ARHGAP15: variants seen among roughly 807,000 people sequenced by gnomAD.
The protein encoded by ARHGAP15 is rho GTPase-activating protein 15.
Under a neutral mutation model 63.7 loss-of-function variants are expected in ARHGAP15, and 51 were observed. The observed-to-expected ratio is 0.80, with a 90% CI of 0.64 to 1.01. ARHGAP15 has a LOEUF of 1.01. Among genes scored for constraint, ARHGAP15 ranks in the 50% least tolerant of loss-of-function variants. ARHGAP15 has a pLI of 0.00. For missense variants in ARHGAP15, 560 were observed against 564.6 expected (o/e 0.99, Z 0.08); for synonymous variants, 191 against 193.8 (o/e 0.99, Z 0.12).
chr2:143,456,313 CAT>C (rs1690652157), intron 8 of ARHGAP15, among the ~76,000 whole-genome samples: 1 of 151,900 alleles, frequency 6.6e-6, no homozygotes, highest in Non-Finnish European at 1.5e-5. Flanking sequence ...AAATGGTAAA[CAT>C]ATAAATGACA....
chr2:143,464,519 A>T (rs1373362817), intron 8 of ARHGAP15, among the ~76,000 whole-genome samples: 1 of 152,212 alleles, frequency 6.6e-6, no homozygotes, highest in Admixed American at 6.5e-5. Flanking sequence ...TCCTCTGTAT[A>T]TTCATGTAAA....
intron 9 of ARHGAP15, among the ~76,000 whole-genome samples, chr2:143,515,239 AG>A (rs1693762392): frequency 7.2e-6 from 1 of 139,710 alleles, no homozygotes; most frequent in Admixed American, 8.0e-5. Context: ...AACCTTCTCA[AG>A]TAGAGTATGA....
intron 2 of ARHGAP15, among the ~76,000 whole-genome samples, chr2:143,174,040 C>T (rs558875365): frequency 5.3e-4 from 80 of 152,186 alleles, no homozygotes; most frequent in African/African-American, 1.9e-3. Flanking sequence ...GTACTGGTGC[C>T]CACTTTGAGT....
chr2:143,308,616 A>G (rs1683290861), intron 6 of ARHGAP15, among the ~76,000 whole-genome samples: 1 of 152,094 alleles, frequency 6.6e-6, no homozygotes, highest in Admixed American at 6.6e-5. Context: ...AAGCAAGAAT[A>G]TGATAGAACA....
intron 4 of ARHGAP15, among the ~76,000 whole-genome samples, chr2:143,221,807 G>A (rs1368831052): frequency 1.3e-5 from 2 of 152,068 alleles, no homozygotes; most frequent in African/African-American, 4.8e-5. Context: ...TGAAAATATG[G>A]CCAGAAGATG....
At position 143,130,294 on chromosome 2, in the gene ARHGAP15, T is replaced by C. The variant is rs148077874; in HGVS notation, c.-15+828T>C. ...TTTTCTTTTATATTGACTTCTTGCTTTTACAGAATGTCTTTGTGTGCTGTA... is the reference window on the plus strand; with the variant it reads ...TTTTCTTTTATATTGACTTCTTGCTCTTACAGAATGTCTTTGTGTGCTGTA... On this transcript the variant is annotated intron_variant, in intron 1 of 13. Transcript: ENST00000295095. 3.9e-3 allele frequency among the ~76,000 whole-genome samples: 594 copies of C among 152,250 alleles called. 2 individuals are homozygous for C. Among genetic ancestry groups the C allele is most frequent in the Middle Eastern group, 6.8e-3 (2 of 294 alleles).
chr2:143,766,240 A>G (rs901595880), intron 13 of ARHGAP15, among the ~76,000 whole-genome samples: 2 of 152,194 alleles, frequency 1.3e-5, no homozygotes, highest in African/African-American at 4.8e-5. Flanking sequence ...TGAAATGGAA[A>G]ATTCCAGAAA....
At chr2:143,499,504 T>A (rs547250394) in intron 9 of ARHGAP15, among the ~76,000 whole-genome samples, 1 of 152,306 alleles carries the variant, frequency 6.6e-6, no homozygotes, top group Admixed American at 6.5e-5. Context: ...CTATTGTAGT[T>A]ATTTCTAAGC....
At chr2:143,424,417 G>A (rs752326392) in intron 6 of ARHGAP15, among the ~76,000 whole-genome samples, 1 of 151,920 alleles carries the variant, frequency 6.6e-6, no homozygotes, top group Non-Finnish European at 1.5e-5. Context: ...ATATAATTCT[G>A]GAGCGTGTCT....
rs543798914 is a variant in ARHGAP15 at position 143,495,188 on chromosome 2, G to A, written c.826+7693G>A. Among the ~76,000 whole-genome samples the A allele has an allele frequency of 2.6e-3, 392 of 151,492 alleles. 1 individual carries two copies. The highest frequency in any genetic ancestry group is 4.4e-3 in the Non-Finnish European group (299 of 67,870). On this transcript the variant is annotated intron_variant, in intron 9 of 13. Coordinates refer to ENST00000295095, the MANE Select transcript of ARHGAP15 (RefSeq NM_018460.4). Reference sequence around the variant, plus strand: ...TTTCTTCTTTCCTTCATTTCATCTTGCCTTTCTTATTTTTATCTTTCTTTC... The same window carrying A: ...TTTCTTCTTTCCTTCATTTCATCTTACCTTTCTTATTTTTATCTTTCTTTC...
chr2:143,239,008 C>A (rs1316360846), intron 5 of ARHGAP15, among the ~76,000 whole-genome samples: 1 of 151,970 alleles, frequency 6.6e-6, no homozygotes, highest in Non-Finnish European at 1.5e-5. Flanking sequence ...TGGGGAACAA[C>A]AAATACTGGG....
intron 13 of ARHGAP15, among the ~76,000 whole-genome samples, chr2:143,715,071 T>G (rs111343793): frequency 6.6e-6 from 1 of 151,814 alleles, no homozygotes; most frequent in East Asian, 1.9e-4. Context: ...AAAGACATAC[T>G]CAAGACTGGG....
chr2:143,462,809 G>GGACA (rs150572849), intron 8 of ARHGAP15, among the ~76,000 whole-genome samples: 2 of 151,940 alleles, frequency 1.3e-5, no homozygotes, highest in African/African-American at 4.8e-5. Flanking sequence ...ATGGACAGAC[G>GGACA]GACAGACAGA....
rs116550499 is a variant in ARHGAP15, at chr2:143,142,789, G to C, written c.-14-12688G>C. Among the ~76,000 whole-genome samples the C allele has an allele frequency of 3.1e-3, 470 of 152,132 alleles. 2 individuals carry two copies. Among genetic ancestry groups the C allele is most frequent in the African/African-American group, 0.011 (452 of 41,504 alleles). ...GTGCACAAGATGGGGAAATGTAGCT[G>C]GGGCTTGGTTGCATAACCCATTTCA... On this transcript the variant is annotated intron_variant, in intron 1 of 13. Transcript: ENST00000295095.
intron 11 of ARHGAP15, among the ~76,000 whole-genome samples, chr2:143,611,008 C>T (rs761464140): frequency 1.8e-4 from 27 of 152,098 alleles, no homozygotes; most frequent in Non-Finnish European, 5.9e-5. Flanking sequence ...GGATTACAGG[C>T]GTGAGCCACT....
intron 13 of ARHGAP15, among the ~76,000 whole-genome samples, chr2:143,753,281 C>A (rs1686450027): frequency 6.6e-6 from 1 of 152,198 alleles, no homozygotes; most frequent in Admixed American, 6.5e-5. Context: ...GCAGGTAGTC[C>A]TTCCTTGAAA....
chr2:143,279,525 A>T (rs1681737723), intron 6 of ARHGAP15, among the ~76,000 whole-genome samples: 1 of 152,176 alleles, frequency 6.6e-6, no homozygotes, highest in East Asian at 1.9e-4. Context: ...TGGACATAGA[A>T]GACAAATTGA....
At chr2:143,578,233 G>GTT (rs1696750600) in intron 11 of ARHGAP15, among the ~76,000 whole-genome samples, 1 of 151,558 alleles carries the variant, frequency 6.6e-6, no homozygotes. Context: ...AATGTTTTAG[G>GTT]AGCAAAAACC....
chr2:143,480,094 T>C (rs1476450732), intron 8 of ARHGAP15, among the ~76,000 whole-genome samples: 1 of 152,148 alleles, frequency 6.6e-6, no homozygotes, highest in Non-Finnish European at 1.5e-5. Flanking sequence ...CCTTACACTA[T>C]AGAAATACAT....
Sources: gnomAD v4.1 joint callset for allele counts (sites outside exome capture counted in the v4.1 genomes callset) on GRCh38, gnomAD v4.1.1 for gene constraint, MANE v1.5 for transcripts, NCBI Gene and HGNC (gene_info 2026-07-23, HGNC 2026-07-21) for gene names.